FBXW2: variants seen among roughly 807,000 people sequenced by gnomAD.
The protein encoded by FBXW2 is F-box/WD repeat-containing protein 2.
FBXW2 carries 12 observed loss-of-function variants against 46.0 expected under a neutral mutation model. The observed-to-expected ratio is 0.26, with a 90% confidence interval of 0.17 to 0.42. The LOEUF (loss-of-function observed/expected upper bound fraction) is 0.42, where lower values mean the gene tolerates loss of function less well. FBXW2 is among the 10% of genes least tolerant of loss of function. FBXW2 has a pLI of 1.00. For missense variants in FBXW2, 360 were observed against 537.0 expected (o/e 0.67, Z 3.26); for synonymous variants, 203 against 209.6 (o/e 0.97, Z 0.27).
At chr9:120,787,053 G>A (rs2044737483) in intron 3 of FBXW2, among the ~76,000 whole-genome samples, 1 of 152,120 alleles carries the variant, frequency 6.6e-6, no homozygotes, top group Admixed American at 6.5e-5. Context: ...TTTTGAGATG[G>A]AGTCTCACTC....
chr9:120,787,409 A>T (rs1453567948), intron 3 of FBXW2, among the ~76,000 whole-genome samples: 1 of 152,238 alleles, frequency 6.6e-6, no homozygotes. Flanking sequence ...ATTAGATACC[A>T]ATTTTTCCAC....
chr9:120,784,837 C>T (rs1218564693), intron 3 of FBXW2, among the ~76,000 whole-genome samples: 1 of 149,576 alleles, frequency 6.7e-6, no homozygotes, highest in African/African-American at 2.5e-5. Flanking sequence ...GAGAGAATCG[C>T]TTGAACCCAG....
At chr9:120,781,909 G>C (rs191720380) in intron 3 of FBXW2, among the ~76,000 whole-genome samples, 104 of 151,812 alleles carry the variant, frequency 6.9e-4, no homozygotes, top group African/African-American at 2.4e-3. Flanking sequence ...TGTAATCCCA[G>C]CTACTTGGGA....
chr9:120,771,920 G>A (rs527343869), intron 6 of FBXW2, among the ~76,000 whole-genome samples: 11 of 151,684 alleles, frequency 7.3e-5, no homozygotes, highest in African/African-American at 2.2e-4. Flanking sequence ...TTAGCCAGGC[G>A]TGATAGCACA....
intron 4 of FBXW2, among the ~76,000 whole-genome samples, chr9:120,777,324 AAT>A (rs1458708019): frequency 6.6e-6 from 1 of 152,250 alleles, no homozygotes; most frequent in African/African-American, 2.4e-5. Flanking sequence ...TAGGAGGACA[AAT>A]AAAATGAAGC....
At chr9:120,783,675 G>A (rs2044662340) in intron 3 of FBXW2, among the ~76,000 whole-genome samples, 1 of 152,158 alleles carries the variant, frequency 6.6e-6, no homozygotes, top group African/African-American at 2.4e-5. Flanking sequence ...GTCCCAGTGT[G>A]TATGTTCCAC....
chr9:120,790,587 T>C (rs1030455652), intron 2 of FBXW2, among the ~76,000 whole-genome samples: 4 of 152,176 alleles, frequency 2.6e-5, no homozygotes, highest in African/African-American at 7.2e-5. Flanking sequence ...TACACATACA[T>C]ATATACACAC....
At chr9:120,789,343 A>G (rs890029097) in intron 2 of FBXW2, among the ~76,000 whole-genome samples, 1 of 152,184 alleles carries the variant, frequency 6.6e-6, no homozygotes, top group Non-Finnish European at 1.5e-5. Flanking sequence ...AGAATGACAA[A>G]TTGCTCCTGA....
chr9:120,769,128 C>G (rs1485651839), intron 7 of FBXW2, among the ~76,000 whole-genome samples: 1 of 152,226 alleles, frequency 6.6e-6, no homozygotes, highest in Admixed American at 6.5e-5. Flanking sequence ...CTAACTCAAG[C>G]AATCACATCA....
chr9:120,780,345 ACT>A lies in FBXW2; in HGVS notation c.491-1802_491-1801del, dbSNP rs375293741. On this transcript the variant is annotated intron_variant, in intron 3 of 7. Coordinates refer to ENST00000608872, the MANE Select transcript of FBXW2 (RefSeq NM_012164.4). ...ACTCCAGCCTGGGCAACAGAGGAAG[ACT>A]CTGTTTCAAAAAAAAAAAAAAAAGA... is the stretch of plus-strand genomic sequence containing the variant. 7.2e-4 allele frequency among the ~76,000 whole-genome samples: 107 copies of A among 148,540 alleles called. 1 individual carries two copies. The East Asian group carries it at 0.013, about 18-fold the overall frequency.
rs2044145352 is a variant in FBXW2, at chr9:120,757,568, T to C, written c.*6991A>G. ...GGTAGTTGTAAAAACCTAAAGCACATTTTTGAGAATGTATTACAAAACAAT... is the reference window on the plus strand; with the variant it reads ...GGTAGTTGTAAAAACCTAAAGCACACTTTTGAGAATGTATTACAAAACAAT... On this transcript the variant is annotated 3_prime_UTR_variant, in exon 8 of 8. Coordinates refer to ENST00000608872, the MANE Select transcript of FBXW2 (RefSeq NM_012164.4). 6.6e-6 allele frequency: 1 copy of C among 152,138 alleles called. No homozygotes were observed. 9.4% of individuals were successfully genotyped at this position (152,138 alleles called of 1,614,324 possible). A position where few individuals can be genotyped will look rare whatever the true frequency, so the allele number is the denominator to read the frequency against.
chr9:120,773,632 A>G (rs1430388119), intron 5 of FBXW2, among the ~76,000 whole-genome samples: 1 of 152,264 alleles, frequency 6.6e-6, no homozygotes, highest in Non-Finnish European at 1.5e-5. Context: ...CAATCAGGCT[A>G]AGGTGAGAGG....
At chr9:120,790,582 A>C (rs960318468) in intron 2 of FBXW2, among the ~76,000 whole-genome samples, 2 of 152,228 alleles carry the variant, frequency 1.3e-5, no homozygotes, top group African/African-American at 4.8e-5. Context: ...ACATCTACAC[A>C]TACATATATA....
intron 6 of FBXW2, among the ~76,000 whole-genome samples, chr9:120,772,246 G>C (rs959049410): frequency 1.3e-5 from 2 of 151,846 alleles, no homozygotes; most frequent in African/African-American, 4.8e-5. Flanking sequence ...TGTAATTCCA[G>C]CATTTTGGGA....
Position 120,760,744 on chromosome 9 carries a change from A to G in FBXW2, c.*3815T>C, listed in dbSNP as rs1298164764. Reference sequence around the variant, plus strand: ...TTCAAGTTGCCAGCTGGGTTTGGTCAAAGAAATGTGTAAAGCCAGGATCCA... The same window carrying G: ...TTCAAGTTGCCAGCTGGGTTTGGTCGAAGAAATGTGTAAAGCCAGGATCCA... On this transcript the variant is annotated 3_prime_UTR_variant, in exon 8 of 8. Coordinates refer to ENST00000608872, the MANE Select transcript of FBXW2 (RefSeq NM_012164.4). 1 of 152,222 alleles carries G rather than the reference A, an allele frequency of 6.6e-6. No individual in the cohort carries two copies. Among genetic ancestry groups the G allele is most frequent in the Non-Finnish European group, 1.5e-5 (1 of 68,042 alleles). The allele number at this position is 152,222 out of a possible 1,614,324, so 9.4% of individuals were successfully genotyped here.
Position 120,763,181 on chromosome 9 carries a change from T to A in FBXW2, c.*1378A>T, listed in dbSNP as rs1222325508. 1 of 152,230 alleles carries A rather than the reference T, an allele frequency of 6.6e-6. No homozygotes were observed. 9.4% of individuals were successfully genotyped at this position (152,230 alleles called of 1,614,324 possible). A position where few individuals can be genotyped will look rare whatever the true frequency, so the allele number is the denominator to read the frequency against. ...GACCTGCCAACCCTGGGCTTGCTTC[T>A]CCTAATGACAAAACAGAGCTGAATA... On this transcript the variant is annotated 3_prime_UTR_variant, in exon 8 of 8. Coordinates refer to ENST00000608872, the MANE Select transcript of FBXW2 (RefSeq NM_012164.4).
At chr9:120,779,089 A>C (rs1047909429) in intron 3 of FBXW2, among the ~76,000 whole-genome samples, 1 of 152,230 alleles carries the variant, frequency 6.6e-6, no homozygotes, top group African/African-American at 2.4e-5. Context: ...ATCTTGAAAT[A>C]CGTGAAGGAA....
rs1187836991 is a variant in FBXW2, at chr9:120,762,667, G to C, written c.*1892C>G. 6.6e-6 allele frequency: 1 copy of C among 152,236 alleles called. No homozygotes were observed. Among genetic ancestry groups the C allele is most frequent in the Non-Finnish European group, 1.5e-5 (1 of 68,042 alleles). The allele number at this position is 152,236 out of a possible 1,614,324, so 9.4% of individuals were successfully genotyped here. ...CTCTATGCTAATGCAGATTCTGCAA[G>C]AGATAGGTCCCCACTCTAGAGTTCA... On this transcript the variant is annotated 3_prime_UTR_variant, in exon 8 of 8. Transcript: ENST00000608872.
In FBXW2 at chr9:120,759,162, G is replaced by C. The variant is rs1335087610; in HGVS notation, c.*5397C>G. 1 of 152,178 alleles carries C rather than the reference G, an allele frequency of 6.6e-6. No individual in the cohort carries two copies. Among genetic ancestry groups the C allele is most frequent in the African/African-American group, 2.4e-5 (1 of 41,440 alleles). 9.4% of individuals were successfully genotyped at this position (152,178 alleles called of 1,614,324 possible). A position where few individuals can be genotyped will look rare whatever the true frequency, so the allele number is the denominator to read the frequency against. On this transcript the variant is annotated 3_prime_UTR_variant, in exon 8 of 8. Coordinates refer to ENST00000608872, the MANE Select transcript of FBXW2 (RefSeq NM_012164.4). Reference sequence around the variant, plus strand: ...TTGGATAAAATGTCTGAAGTGGTTGGGGGGAAAGCAAGACAAAGTCTTAAC... The same window carrying C: ...TTGGATAAAATGTCTGAAGTGGTTGCGGGGAAAGCAAGACAAAGTCTTAAC...
Sources: gnomAD v4.1 joint callset for allele counts (sites outside exome capture counted in the v4.1 genomes callset) on GRCh38, gnomAD v4.1.1 for gene constraint, MANE v1.5 for transcripts, NCBI Gene and HGNC (gene_info 2026-07-23, HGNC 2026-07-21) for gene names.